Variants in CTNND2 observed in about 807,000 individuals in gnomAD.
CTNND2 encodes the protein catenin delta 2.
A neutral mutation model predicts 144.4 loss-of-function variants in CTNND2; 22 were observed. That is an observed-to-expected ratio of 0.15 (90% confidence interval 0.11 to 0.22). The LOEUF is 0.22. Among genes scored for constraint, CTNND2 ranks in the 10% least tolerant of loss-of-function variants. The pLI, the probability that CTNND2 is intolerant of heterozygous loss-of-function variation, is 1.00. For missense variants in CTNND2, 1,353 were observed against 1,618.8 expected, an observed-to-expected ratio of 0.84 and a Z score of 2.82; for synonymous variants, 751 against 695.6, an observed-to-expected ratio of 1.08 and a Z score of -1.25.
chr5:11,297,890 G>C (rs527376107), intron 9 of CTNND2, among the ~76,000 whole-genome samples: 2 of 152,090 alleles, frequency 1.3e-5, no homozygotes, highest in African/African-American at 4.8e-5. Context: ...TCAAAAAAGT[G>C]ACAAGACAAA....
intron 16 of CTNND2, among the ~76,000 whole-genome samples, chr5:11,029,590 G>A (rs1424717931): frequency 6.6e-6 from 1 of 152,038 alleles, no homozygotes; most frequent in Non-Finnish European, 1.5e-5. Flanking sequence ...AGTTATTGAT[G>A]TCACACAATT....
intron 18 of CTNND2, among the ~76,000 whole-genome samples, chr5:10,993,012 G>A (rs113383581): frequency 6.6e-6 from 1 of 152,000 alleles, no homozygotes; most frequent in Non-Finnish European, 1.5e-5. Context: ...TCTATTTTTT[G>A]CCGACCTGGT....
At chr5:11,326,396 G>C (rs1752522518) in intron 9 of CTNND2, among the ~76,000 whole-genome samples, 1 of 152,158 alleles carries the variant, frequency 6.6e-6, no homozygotes, top group African/African-American at 2.4e-5. Flanking sequence ...TACTGTGAGA[G>C]GGACATGGAA....
chr5:11,175,653 G>C (rs1760411343), intron 11 of CTNND2, among the ~76,000 whole-genome samples: 1 of 147,432 alleles, frequency 6.8e-6, no homozygotes, highest in Non-Finnish European at 1.5e-5. Context: ...TTTTTTTGCT[G>C]ACATTGGCTC....
chr5:10,999,508 C>T (rs184634731), intron 18 of CTNND2, among the ~76,000 whole-genome samples: 83 of 152,248 alleles, frequency 5.5e-4, no homozygotes, highest in African/African-American at 1.9e-3. Flanking sequence ...AGAATCACCA[C>T]GGTAACCGGG....
At chr5:11,452,209 C>A (rs1388413529) in intron 3 of CTNND2, among the ~76,000 whole-genome samples, 1 of 152,162 alleles carries the variant, frequency 6.6e-6, no homozygotes, top group Non-Finnish European at 1.5e-5. Flanking sequence ...ACGGCAAATG[C>A]AATTCAATAT....
chr5:11,122,455 T>C (rs749769564), intron 12 of CTNND2, among the ~76,000 whole-genome samples: 1 of 151,878 alleles, frequency 6.6e-6, no homozygotes, highest in Non-Finnish European at 1.5e-5. Flanking sequence ...TTCCTATGTC[T>C]GTTTCCTCCT....
intron 1 of CTNND2, among the ~76,000 whole-genome samples, chr5:11,740,391 C>T (rs779268634): frequency 2.4e-4 from 37 of 152,260 alleles, no homozygotes; most frequent in Non-Finnish European, 4.4e-4. Context: ...CACCACACAT[C>T]TACAACCATC....
intron 1 of CTNND2, among the ~76,000 whole-genome samples, chr5:11,872,366 T>C (rs1013954484): frequency 2.0e-5 from 3 of 152,180 alleles, no homozygotes; most frequent in African/African-American, 4.8e-5. Context: ...GTCTTTATAG[T>C]AGTATGATTT....
chr5:11,430,435 A>G (rs1449637846), intron 3 of CTNND2, among the ~76,000 whole-genome samples: 1 of 151,212 alleles, frequency 6.6e-6, no homozygotes, highest in African/African-American at 2.4e-5. Flanking sequence ...AAAAAAAAAA[A>G]AAAAGAGCTT....
At chr5:11,523,705 A>C (rs1263623836) in intron 3 of CTNND2, among the ~76,000 whole-genome samples, 1 of 152,164 alleles carries the variant, frequency 6.6e-6, no homozygotes, top group Non-Finnish European at 1.5e-5. Context: ...TGCACCGGGG[A>C]CTTCCTGCAC....
At chr5:11,649,074 T>C (rs1362287643) in intron 2 of CTNND2, among the ~76,000 whole-genome samples, 3 of 152,172 alleles carry the variant, frequency 2.0e-5, no homozygotes, top group Admixed American at 6.5e-5. Context: ...CAAATATTAA[T>C]TTAAAAAGTC....
intron 18 of CTNND2, among the ~76,000 whole-genome samples, chr5:11,014,005 G>A (rs1304543608): frequency 6.6e-6 from 1 of 152,210 alleles, no homozygotes; most frequent in East Asian, 1.9e-4. Flanking sequence ...AATGTGACAG[G>A]CATCAAGGTC....
chr5:11,501,352 C>A (rs941207153), intron 3 of CTNND2, among the ~76,000 whole-genome samples: 4 of 152,158 alleles, frequency 2.6e-5, no homozygotes, highest in Non-Finnish European at 5.9e-5. Flanking sequence ...CCTACTCCTG[C>A]GAGAATGAGA....
chr5:11,703,357 G>A (rs1785542206), intron 2 of CTNND2, among the ~76,000 whole-genome samples: 5 of 152,162 alleles, frequency 3.3e-5, no homozygotes, highest in Admixed American at 3.3e-4. Context: ...TATTCCAGCA[G>A]GAAAACAGTG....
chr5:11,764,457 A>G (rs1054744885), intron 1 of CTNND2, among the ~76,000 whole-genome samples: 1 of 152,198 alleles, frequency 6.6e-6, no homozygotes, highest in Non-Finnish European at 1.5e-5. Flanking sequence ...AAAGCAAAAA[A>G]AAAGATAGAA....
chr5:11,707,215 T>G (rs1289152082), intron 2 of CTNND2, among the ~76,000 whole-genome samples: 1 of 152,134 alleles, frequency 6.6e-6, no homozygotes, highest in Non-Finnish European at 1.5e-5. Flanking sequence ...TAGTTTTTTT[T>G]GTTGATGAAC....
At chr5:11,560,841 G>T (rs1776626375) in intron 3 of CTNND2, among the ~76,000 whole-genome samples, 1 of 152,250 alleles carries the variant, frequency 6.6e-6, no homozygotes, top group Admixed American at 6.5e-5. Context: ...TAGAACTGCA[G>T]AAGTGGGGAA....
intron 1 of CTNND2, among the ~76,000 whole-genome samples, chr5:11,783,120 G>C (rs1211056535): frequency 6.6e-6 from 1 of 152,144 alleles, no homozygotes; most frequent in Non-Finnish European, 1.5e-5. Context: ...AGAGAAGAGA[G>C]AGAGGTTGAG....
Sources: gnomAD v4.1 joint callset for allele counts (sites outside exome capture counted in the v4.1 genomes callset) on GRCh38, gnomAD v4.1.1 for gene constraint, MANE v1.5 for transcripts, NCBI Gene and HGNC (gene_info 2026-07-23, HGNC 2026-07-21) for gene names.